GTF2IRD2: variants seen among roughly 807,000 people sequenced by gnomAD.
The protein encoded by GTF2IRD2 is GTF2I repeat domain containing 2, also known as general transcription factor II-I repeat domain-containing protein 2A.
GTF2IRD2 carries 8 observed loss-of-function variants against 49.2 expected under a neutral mutation model. That is an observed-to-expected ratio of 0.16 (90% confidence interval 0.10 to 0.29). The LOEUF (loss-of-function observed/expected upper bound fraction) is 0.29, where lower values mean the gene tolerates loss of function less well. Among genes scored for constraint, GTF2IRD2 ranks in the 10% least tolerant of loss-of-function variants. The probability of loss-of-function intolerance (pLI) is 1.00; values close to 1 mark genes in which losing one functional copy is unlikely to be tolerated. For missense variants in GTF2IRD2, 130 were observed against 725.7 expected (o/e 0.18, Z 9.43); for synonymous variants, 47 against 289.7 (o/e 0.16, Z 8.51).
At chr7:74,831,322 CCT>C (rs1284026188) in intron 3 of GTF2IRD2, among the ~76,000 whole-genome samples, 8 of 149,396 alleles carry the variant, frequency 5.4e-5, no homozygotes, top group South Asian at 4.2e-4. Flanking sequence ...ATATATAATT[CCT>C]CTCTCTTATC....
Position 74,841,801 on chromosome 7 carries a change from A to G in GTF2IRD2, c.-5-5418T>C. Among the ~76,000 whole-genome samples, 2 of 142,798 alleles carry G rather than the reference A, an allele frequency of 1.4e-5. 1 individual carries two copies. The highest frequency in any genetic ancestry group is 5.6e-5 in the African/African-American group (2 of 35,704). The allele number at this position is 142,798 out of a possible 152,430, so 93.7% of individuals were successfully genotyped here. A position where few individuals can be genotyped will look rare whatever the true frequency, so the allele number is the denominator to read the frequency against. On this transcript the variant is annotated intron_variant, in intron 1 of 15. Transcript: ENST00000451013. ...ATTTCAGGTTGATAGCTAAAGGGTA[A>G]AAGGTTTCAGAGTGATGAAAATGTT...
chr7:74,838,121 C>T lies in GTF2IRD2; in HGVS notation c.-5-1738G>A, dbSNP rs1358900833. 4.3e-5 allele frequency among the ~76,000 whole-genome samples: 4 copies of T among 93,224 alleles called. 2 individuals carry two copies. Among genetic ancestry groups the T allele is most frequent in the African/African-American group, 3.2e-4 (4 of 12,490 alleles). The allele number at this position is 93,224 out of a possible 152,430, so 61.2% of individuals were successfully genotyped here. ...TATTTTCCACTAAACCTACACATGG[C>T]CTCCCCGTAAAACAAACTCAGGTAT... On this transcript the variant is annotated intron_variant, in intron 1 of 15. Transcript: ENST00000451013.
intron 1 of GTF2IRD2, among the ~76,000 whole-genome samples, chr7:74,841,896 C>T (rs1392026892): frequency 4.3e-5 from 6 of 139,712 alleles, no homozygotes; most frequent in South Asian, 2.4e-4. Flanking sequence ...GAGGCCGAGG[C>T]GGACGGATCA....
chr7:74,836,059 G>A (rs1281136643), intron 2 of GTF2IRD2, among the ~76,000 whole-genome samples: 8 of 134,148 alleles, frequency 6.0e-5, no homozygotes, highest in African/African-American at 3.0e-4. Flanking sequence ...GGCTGAGGCA[G>A]GAGAATTGCT....
At chr7:74,829,564 G>C (rs1329901420) in intron 3 of GTF2IRD2, among the ~76,000 whole-genome samples, 1 of 147,804 alleles carries the variant, frequency 6.8e-6, no homozygotes, top group Non-Finnish European at 1.5e-5. Context: ...GGCACTTCTC[G>C]TACAAATTAA....
chr7:74,818,735 C>T (rs1275696875), intron 8 of GTF2IRD2: 1 of 149,954 alleles, frequency 6.7e-6, no homozygotes, highest in Non-Finnish European at 1.5e-5. Flanking sequence ...CAGTCGTGAG[C>T]CCGCACACCC....
chr7:74,806,330 GACAGA>G (rs1193278685), intron 12 of GTF2IRD2, among the ~76,000 whole-genome samples: 1 of 131,270 alleles, frequency 7.6e-6, no homozygotes, highest in Non-Finnish European at 1.6e-5. Context: ...ATTTTTTTGA[GACAGA>G]GTCTCGCTCT....
intron 8 of GTF2IRD2, among the ~76,000 whole-genome samples, chr7:74,815,807 AAAGAAAG>A (rs1293314125): frequency 3.0e-4 from 25 of 84,610 alleles, no homozygotes; most frequent in Admixed American, 5.8e-4. Context: ...GGAAAGAAAG[AAAGAAAG>A]AAAGAAAGAA....
rs1320959653 is a variant in GTF2IRD2 at position 74,800,381 on chromosome 7, T to A, written c.1246+1604A>T. Among the ~76,000 whole-genome samples the A allele has an allele frequency of 2.4e-5, 3 of 127,438 alleles. No individual in the cohort carries two copies. In the Admixed American group the frequency reaches 2.5e-4, roughly 11 times the overall value. The allele number at this position is 127,438 out of a possible 152,430, so 83.6% of individuals were successfully genotyped here. A position where few individuals can be genotyped will look rare whatever the true frequency, so the allele number is the denominator to read the frequency against. On this transcript the variant is annotated intron_variant, in intron 15 of 15. Coordinates refer to ENST00000451013, the MANE Select transcript of GTF2IRD2 (RefSeq NM_173537.5). ...GCACGCGCCACCATGCCCGACTAAT[T>A]TTTGTATTTCTAGTAGAGACGGAGT...
rs374046700 is a variant in GTF2IRD2, at chr7:74,797,695, A to G, written c.1817T>C (p.Phe606Ser). 3 of 1,208,640 alleles carry G rather than the reference A, an allele frequency of 2.5e-6. No individual in the cohort carries two copies. The highest frequency in any genetic ancestry group is 3.5e-6 in the Non-Finnish European group (3 of 857,574). The allele number at this position is 1,208,640 out of a possible 1,614,324, so 74.9% of individuals were successfully genotyped here. ...FSRVEKSLKN[F>S]CIDWSKLVSV... ...TACTAATTTCGACCAGTCGATACAGAAGTTTTTCAGGCTTTTCTCAACACG... is the reference window on the plus strand; with the variant it reads ...TACTAATTTCGACCAGTCGATACAGGAGTTTTTCAGGCTTTTCTCAACACG... The change falls in exon 16 of 16, where the codon TTC (phenylalanine) becomes TCC (serine). Residue 606 changes from phenylalanine (F) to serine (S), a missense_variant. Transcript: ENST00000451013.
rs1430383087 is a variant in GTF2IRD2 at position 74,800,148 on chromosome 7, A to C, written c.1246+1837T>G. 4.4e-5 allele frequency among the ~76,000 whole-genome samples: 6 copies of C among 136,214 alleles called. No homozygotes were observed. In the East Asian group the frequency reaches 1.3e-3, roughly 29 times the overall value. The allele number at this position is 136,214 out of a possible 152,430, so 89.4% of individuals were successfully genotyped here. A position where few individuals can be genotyped will look rare whatever the true frequency, so the allele number is the denominator to read the frequency against. ...ATTATAAAAGATCAAAAAATCATTT[A>C]GCAATCAGATGCGTTTGGGAATAAA... On this transcript the variant is annotated intron_variant, in intron 15 of 15. Coordinates refer to ENST00000451013, the MANE Select transcript of GTF2IRD2 (RefSeq NM_173537.5).
At chr7:74,830,299 C>T (rs1554420253) in intron 3 of GTF2IRD2, among the ~76,000 whole-genome samples, 1 of 136,784 alleles carries the variant, frequency 7.3e-6, no homozygotes, top group African/African-American at 2.6e-5. Flanking sequence ...GGTCAGGAGT[C>T]TAAGACCAGG....
rs879975987 is a variant in GTF2IRD2 at position 74,839,184 on chromosome 7, C to T, written c.-5-2801G>A. Among the ~76,000 whole-genome samples, 151 of 29,018 alleles carry T rather than the reference C, an allele frequency of 5.2e-3. 58 individuals carry two copies. In the East Asian group the frequency reaches 0.056, roughly 11 times the overall value. 19.0% of individuals were successfully genotyped at this position (29,018 alleles called of 152,430 possible). ...AAGCGATCTTCCTGCTTCTGCCTCCCACACCAGTGCTGGGATTACAGGTGT... is the reference window on the plus strand; with the variant it reads ...AAGCGATCTTCCTGCTTCTGCCTCCTACACCAGTGCTGGGATTACAGGTGT... On this transcript the variant is annotated intron_variant, in intron 1 of 15. Transcript: ENST00000451013.
At chr7:74,824,105 G>A (rs1481045789) in intron 4 of GTF2IRD2, among the ~76,000 whole-genome samples, 4 of 123,010 alleles carry the variant, frequency 3.3e-5, no homozygotes, top group Non-Finnish European at 5.1e-5. Context: ...GGCGGAGCTT[G>A]CAGTGAGCCG....
At chr7:74,822,376 AGTGGTTC>A (rs1264579039) in intron 6 of GTF2IRD2, 44 bp downstream of exon 6, 1 of 677,004 alleles carries the variant, frequency 1.5e-6, no homozygotes, top group East Asian at 2.8e-5. Flanking sequence ...ATGAAGAAGA[AGTGGTTC>A]AGCAGCTCAG....
Position 74,826,867 on chromosome 7 carries a change from G to A in GTF2IRD2, c.239-1815C>T, listed in dbSNP as rs1419322619. On this transcript the variant is annotated intron_variant, in intron 3 of 15. Coordinates refer to ENST00000451013, the MANE Select transcript of GTF2IRD2 (RefSeq NM_173537.5). ...GCTGGGATTACAGGCATGCACCACCGCCCCCGGCTAACTTTTATAATTTTA... is the reference window on the plus strand; with the variant it reads ...GCTGGGATTACAGGCATGCACCACCACCCCCGGCTAACTTTTATAATTTTA... Among the ~76,000 whole-genome samples the A allele has an allele frequency of 2.4e-4, 36 of 149,080 alleles. No homozygotes were observed. The South Asian group carries it at 6.2e-3, about 26-fold the overall frequency.
chr7:74,840,067 CTTT>C (rs1165672995), intron 1 of GTF2IRD2, among the ~76,000 whole-genome samples: 298 of 69,664 alleles, frequency 4.3e-3, no homozygotes, highest in African/African-American at 0.017. Context: ...GGTCCTATGT[CTTT>C]TTTTTTTTTT....
intron 1 of GTF2IRD2, among the ~76,000 whole-genome samples, chr7:74,842,704 A>G (rs1554422035): frequency 4.2e-5 from 6 of 143,362 alleles, no homozygotes; most frequent in Admixed American, 2.8e-4. Context: ...GATGACAGGC[A>G]TGTGCCACGA....
At chr7:74,818,865 G>A (rs1462798730) in intron 8 of GTF2IRD2, 1 of 151,390 alleles carries the variant, frequency 6.6e-6, no homozygotes, top group Non-Finnish European at 1.5e-5. Context: ...CAAAAGAAAG[G>A]TGTCAAATGA....
Sources: gnomAD v4.1 joint callset for allele counts (sites outside exome capture counted in the v4.1 genomes callset) on GRCh38, gnomAD v4.1.1 for gene constraint, MANE v1.5 for transcripts, NCBI Gene and HGNC (gene_info 2026-07-23, HGNC 2026-07-21) for gene names.